Variants in PHF21B observed in about 807,000 individuals in gnomAD.
The protein encoded by PHF21B is PHD finger protein 4.
Under a neutral mutation model 62.2 loss-of-function variants are expected in PHF21B, and 22 were observed. The observed-to-expected ratio is 0.35, with a 90% CI of 0.25 to 0.51. The LOEUF (loss-of-function observed/expected upper bound fraction) is 0.51, where lower values mean the gene tolerates loss of function less well. Ranked by LOEUF, PHF21B falls within the 20% of genes least tolerant of loss-of-function variation. PHF21B has a pLI of 0.97. For missense variants in PHF21B, 701 were observed against 707.9 expected (o/e 0.99, Z 0.11); for synonymous variants, 341 against 314.7 (o/e 1.08, Z -0.88).
chr22:44,956,058 G>T (rs548961683), intron 2 of PHF21B, among the ~76,000 whole-genome samples: 1 of 152,204 alleles, frequency 6.6e-6, no homozygotes, highest in Non-Finnish European at 1.5e-5. Flanking sequence ...ACCCCACAAC[G>T]TCCAGCCATC....
rs548736292 is a variant in PHF21B at position 44,905,483 on chromosome 22, T to C, written c.831+8339A>G. ...CTTAAATACACTTATTTAAAAGCTG[T>C]TGCTAGAGTATTTAGCACAATTCAC... On this transcript the variant is annotated intron_variant, in intron 5 of 12. Coordinates refer to ENST00000313237, the MANE Select transcript of PHF21B (RefSeq NM_138415.5). Among the ~76,000 whole-genome samples the C allele has an allele frequency of 3.3e-5, 5 of 152,374 alleles. No individual in the cohort carries two copies. The South Asian group carries it at 8.3e-4, about 25-fold the overall frequency.
chr22:44,950,013 G>C (rs1480861296), intron 2 of PHF21B, among the ~76,000 whole-genome samples: 1 of 152,214 alleles, frequency 6.6e-6, no homozygotes, highest in African/African-American at 2.4e-5. Context: ...CTCACATTCA[G>C]AAGTGACCTC....
At chr22:44,990,040 C>T (rs562366163) in intron 2 of PHF21B, among the ~76,000 whole-genome samples, 9 of 152,344 alleles carry the variant, frequency 5.9e-5, no homozygotes, top group Middle Eastern at 3.4e-3. Context: ...TGAATGCTGC[C>T]GCTGCCTCCA....
chr22:44,904,121 T>C (rs1444854807), intron 5 of PHF21B, among the ~76,000 whole-genome samples: 1 of 152,234 alleles, frequency 6.6e-6, no homozygotes, highest in South Asian at 2.1e-4. Context: ...TTTGAGCATA[T>C]GTTTCTAACT....
chr22:44,886,701 G>A (rs1269431755), intron 10 of PHF21B, among the ~76,000 whole-genome samples: 1 of 150,586 alleles, frequency 6.6e-6, no homozygotes, highest in African/African-American at 2.4e-5. Context: ...AAAAAAAAAA[G>A]GATGTAACCC....
At chr22:44,928,555 G>A (rs970799194) in intron 2 of PHF21B, among the ~76,000 whole-genome samples, 8 of 152,086 alleles carry the variant, frequency 5.3e-5, no homozygotes, top group African/African-American at 9.7e-5. Flanking sequence ...GATTACAGGC[G>A]CCCACCACCA....
intron 2 of PHF21B, among the ~76,000 whole-genome samples, chr22:44,978,824 T>C (rs1231080864): frequency 6.6e-6 from 1 of 152,168 alleles, no homozygotes; most frequent in Non-Finnish European, 1.5e-5. Context: ...GACAAGATGG[T>C]TTCATTCTGA....
At chr22:44,931,529 C>T (rs1307193154) in intron 2 of PHF21B, among the ~76,000 whole-genome samples, 2 of 150,994 alleles carry the variant, frequency 1.3e-5, no homozygotes, top group African/African-American at 4.9e-5. Flanking sequence ...CAGCGGCCCT[C>T]GGCGTTGCAG....
Position 44,981,610 on chromosome 22 carries a change from T to G in PHF21B, c.120+26935A>C, listed in dbSNP as rs146623025. Among the ~76,000 whole-genome samples the G allele has an allele frequency of 8.9e-4, 136 of 152,352 alleles. 1 individual carries two copies. The highest frequency in any genetic ancestry group is 3.1e-3 in the African/African-American group (130 of 41,586). On this transcript the variant is annotated intron_variant, in intron 2 of 12. Coordinates refer to ENST00000313237, the MANE Select transcript of PHF21B (RefSeq NM_138415.5). ...AGATGCTAAGTGACTGCCTAGCATT[T>G]GTGCATCAGTGAAGAGTGGACCTGA...
Position 44,885,474 on chromosome 22 carries a change from C to G in PHF21B, c.1329G>C (p.Glu443Asp). Residue 443 changes from glutamate to aspartate, a missense_variant, in exon 12 of 13, where the codon GAG becomes GAC. By Grantham distance (45) the Glu-to-Asp change is conservative. Coordinates refer to ENST00000313237, the MANE Select transcript of PHF21B (RefSeq NM_138415.5). ...LLQRGSELQN[E>D]HQQLEERDRR... Reference sequence around the variant, plus strand: ...GGTCCCGCTCCTCCAGCTGCTGGTGCTCGTTCTGCAGCTCACTGCCTCGTT... The same window carrying G: ...GGTCCCGCTCCTCCAGCTGCTGGTGGTCGTTCTGCAGCTCACTGCCTCGTT... The G allele has an allele frequency of 6.3e-7, 1 of 1,599,192 alleles. No individual in the cohort carries two copies.
chr22:45,009,844 G>GAGCCCCGCGC lies in PHF21B; in HGVS notation c.-305_-296dup, dbSNP rs1228495384. 1 of 146,806 alleles carries GAGCCCCGCGC rather than the reference G, an allele frequency of 6.8e-6. No individual in the cohort carries two copies. The highest frequency in any genetic ancestry group is 1.8e-4 in the South Asian group (1 of 5,602). The allele number at this position is 146,806 out of a possible 1,614,324, so 9.1% of individuals were successfully genotyped here. ...CGGAGCATGGCCCCCCCGGCGCCGG[G>GAGCCCCGCGC]AGCCCCGCGCAGCCCCGCGCGCGCC... is the stretch of plus-strand genomic sequence containing the variant. On this transcript the variant is annotated 5_prime_UTR_variant, in exon 1 of 13. Transcript: ENST00000313237. The surrounding 1 kb of genome is among the most constrained non-coding windows in gnomAD (Gnocchi z 5.9).
intron 5 of PHF21B, among the ~76,000 whole-genome samples, chr22:44,908,388 C>T (rs2147286732): frequency 6.6e-6 from 1 of 152,284 alleles, no homozygotes; most frequent in South Asian, 2.1e-4. Flanking sequence ...GGTCTTATCT[C>T]GTTCTGCTGT....
chr22:44,915,752 G>C (rs528109647), intron 4 of PHF21B, among the ~76,000 whole-genome samples: 1 of 152,192 alleles, frequency 6.6e-6, no homozygotes, highest in African/African-American at 2.4e-5. Context: ...AGGCAGCCCC[G>C]AAGGCCTCAA....
At chr22:44,944,478 G>A (rs1406858518) in intron 2 of PHF21B, among the ~76,000 whole-genome samples, 1 of 152,162 alleles carries the variant, frequency 6.6e-6, no homozygotes, top group Non-Finnish European at 1.5e-5. Flanking sequence ...GGGCCACCTG[G>A]AGGCCCTGCA....
intron 2 of PHF21B, among the ~76,000 whole-genome samples, chr22:44,925,610 G>T (rs563961174): frequency 2.1e-4 from 32 of 152,274 alleles, no homozygotes; most frequent in Admixed American, 1.6e-3. Flanking sequence ...ATGCAATGCG[G>T]AGCCCATGAC....
rs3063310 is a variant in PHF21B, at chr22:44,986,521, CAAA to C, written c.120+22021_120+22023del. Among the ~76,000 whole-genome samples, 241 of 85,840 alleles carry C rather than the reference CAAA, an allele frequency of 2.8e-3. 1 individual carries two copies. The highest frequency in any genetic ancestry group is 0.012 in the East Asian group (37 of 3,046). The allele number at this position is 85,840 out of a possible 152,430, so 56.3% of individuals were successfully genotyped here. ...TTGGTGGATGGGCTGGATCTTATTTCAAAAAAAAAAAAAAAAAAAAAAAAGGGC... is the reference window on the plus strand; with the variant it reads ...TTGGTGGATGGGCTGGATCTTATTTCAAAAAAAAAAAAAAAAAAAAAGGGC... On this transcript the variant is annotated intron_variant, in intron 2 of 12. Transcript: ENST00000313237.
In PHF21B at chr22:44,884,849, T is replaced by G. The variant is rs948888074; in HGVS notation, c.1377+577A>C. On this transcript the variant is annotated intron_variant, in intron 12 of 12. Transcript: ENST00000313237. Reference sequence around the variant, plus strand: ...CATCACCACCACCACCATTATCATATTCCCATCACCACTATCATCACCATC... The same window carrying G: ...CATCACCACCACCACCATTATCATAGTCCCATCACCACTATCATCACCATC... 3.3e-5 allele frequency among the ~76,000 whole-genome samples: 5 copies of G among 151,840 alleles called. No homozygotes were observed. The South Asian group carries it at 8.4e-4, about 25-fold the overall frequency.
At chr22:44,997,450 AGAGT>A (rs1207148509) in intron 2 of PHF21B, among the ~76,000 whole-genome samples, 19 of 152,140 alleles carry the variant, frequency 1.2e-4, no homozygotes, top group Admixed American at 6.6e-5. Context: ...GTGGACAAAC[AGAGT>A]TTTGCATTCA....
At chr22:44,993,467 T>C (rs2073072854) in intron 2 of PHF21B, among the ~76,000 whole-genome samples, 1 of 152,210 alleles carries the variant, frequency 6.6e-6, no homozygotes. Flanking sequence ...GCCTAGAGGA[T>C]GGGGAGGCTG....
Sources: allele counts gnomAD v4.1 joint callset (sites outside exome capture counted in the v4.1 genomes callset), GRCh38; gene constraint gnomAD v4.1.1; non-coding constraint Gnocchi (gnomAD v3.1); transcripts MANE v1.5; gene names NCBI Gene and HGNC (gene_info 2026-07-23, HGNC 2026-07-21).